Variants in GADL1 observed in about 807,000 individuals in gnomAD.
The protein encoded by GADL1 is GAD like acidic amino acid decarboxylase 1.
GADL1 carries 71 observed loss-of-function variants against 69.5 expected under a neutral mutation model. The observed-to-expected ratio is 1.02, with a 90% CI of 0.84 to 1.25. The LOEUF is 1.25. Among genes scored for constraint, GADL1 ranks in the 50% most tolerant of loss-of-function variants. The pLI, the probability that GADL1 is intolerant of heterozygous loss-of-function variation, is 0.00. For synonymous variants in GADL1, 254 were observed against 214.4 expected (o/e 1.18, Z -1.62); for missense variants, 737 against 631.8 (o/e 1.17, Z -1.79).
intron 12 of GADL1, 33 bp downstream of exon 12, chr3:30,800,854 AAG>A (rs10553550): frequency 0.05 from 57,422 of 1,140,052 alleles, 147 homozygotes; most frequent in East Asian, 0.089. Flanking sequence ...CACACACAGA[AAG>A]AGAGAGAGAG....
chr3:30,754,985 G>GC (rs1695934053), intron 14 of GADL1, among the ~76,000 whole-genome samples: 1 of 152,076 alleles, frequency 6.6e-6, no homozygotes, highest in Non-Finnish European at 1.5e-5. Flanking sequence ...AAACGGGGGA[G>GC]CACTTTAGCA....
At chr3:30,810,757 G>T (rs748953750) in intron 11 of GADL1, among the ~76,000 whole-genome samples, 14 of 151,902 alleles carry the variant, frequency 9.2e-5, no homozygotes, top group African/African-American at 3.1e-4. Context: ...CTTTCTTCTC[G>T]CTTGTCATCC....
chr3:30,837,246 C>A (rs1196054076), intron 9 of GADL1, among the ~76,000 whole-genome samples: 1 of 151,990 alleles, frequency 6.6e-6, no homozygotes, highest in Non-Finnish European at 1.5e-5. Flanking sequence ...TTAATATTTT[C>A]TTTAATAAAG....
chr3:30,755,016 A>G (rs1158620036), intron 14 of GADL1, among the ~76,000 whole-genome samples: 2 of 152,198 alleles, frequency 1.3e-5, no homozygotes, highest in Non-Finnish European at 1.5e-5. Flanking sequence ...CTCTGAAAAG[A>G]TTTCTGGTTG....
intron 14 of GADL1, among the ~76,000 whole-genome samples, chr3:30,757,274 T>C (rs1038024203): frequency 1.3e-5 from 2 of 152,130 alleles, no homozygotes; most frequent in Non-Finnish European, 2.9e-5. Context: ...CTTTTAAATA[T>C]AGCCTCTGAA....
intron 14 of GADL1, among the ~76,000 whole-genome samples, chr3:30,765,755 G>A (rs1559492962): frequency 6.6e-6 from 1 of 152,152 alleles, no homozygotes; most frequent in Non-Finnish European, 1.5e-5. Context: ...GTGACACATT[G>A]TCCCCACCTT....
At chr3:30,796,314 T>C (rs1281427195) in intron 12 of GADL1, among the ~76,000 whole-genome samples, 1 of 152,176 alleles carries the variant, frequency 6.6e-6, no homozygotes. Context: ...TAGACTGTCT[T>C]GTTTTTTCAC....
intron 1 of GADL1, among the ~76,000 whole-genome samples, chr3:30,883,840 G>A (rs1698673071): frequency 6.6e-6 from 1 of 151,860 alleles, no homozygotes; most frequent in Non-Finnish European, 1.5e-5. Context: ...AGTTTTTAGT[G>A]TATAAGTCTT....
rs2125527258 is a variant in GADL1 at position 30,841,342 on chromosome 3, T to C, written c.787-2229A>G. On this transcript the variant is annotated intron_variant, in intron 8 of 14. Coordinates refer to ENST00000282538, the MANE Select transcript of GADL1 (RefSeq NM_207359.3). Reference sequence around the variant, plus strand: ...TTTTACTTTTCAAAAACTTACTTTTTTGAGTTCTCAACTTTAGTATTATGT... The same window carrying C: ...TTTTACTTTTCAAAAACTTACTTTTCTGAGTTCTCAACTTTAGTATTATGT... Among the ~76,000 whole-genome samples the C allele has an allele frequency of 3.3e-5, 5 of 152,328 alleles. No homozygotes were observed. The South Asian group carries it at 1.0e-3, about 32-fold the overall frequency.
intron 14 of GADL1, among the ~76,000 whole-genome samples, chr3:30,755,908 G>C (rs1232056175): frequency 6.6e-6 from 1 of 151,942 alleles, no homozygotes; most frequent in African/African-American, 2.4e-5. Flanking sequence ...TGGTTCCTCT[G>C]TGTGAGCCAC....
chr3:30,756,289 CATAAG>C lies in GADL1; in HGVS notation c.1392+21885_1392+21889del, dbSNP rs1298393614. Among the ~76,000 whole-genome samples, 5 of 151,998 alleles carry C rather than the reference CATAAG, an allele frequency of 3.3e-5. No homozygotes were observed. The East Asian group carries it at 9.6e-4, about 29-fold the overall frequency. ...CTGATCTGGCCTCAGTTTCCTCCTA[CATAAG>C]ATGAGAATAAGAAGGAAATTGACTA... On this transcript the variant is annotated intron_variant, in intron 14 of 14. Coordinates refer to ENST00000282538, the MANE Select transcript of GADL1 (RefSeq NM_207359.3).
chr3:30,745,313 CGG>C (rs1168730827), intron 14 of GADL1, among the ~76,000 whole-genome samples: 1 of 152,044 alleles, frequency 6.6e-6, no homozygotes, highest in Non-Finnish European at 1.5e-5. Flanking sequence ...TTCAAACTTA[CGG>C]TAATGAAGAA....
chr3:30,780,122 C>T (rs1696626842), intron 13 of GADL1, among the ~76,000 whole-genome samples: 1 of 152,120 alleles, frequency 6.6e-6, no homozygotes, highest in Non-Finnish European at 1.5e-5. Context: ...GGCATACTCC[C>T]CTCAGGTGGT....
chr3:30,846,422 A>G (rs1346186653), intron 6 of GADL1, among the ~76,000 whole-genome samples: 1 of 152,130 alleles, frequency 6.6e-6, no homozygotes, highest in Non-Finnish European at 1.5e-5. Flanking sequence ...GGCTCCCACA[A>G]GGATTTTTTT....
In GADL1 at chr3:30,733,586, C is replaced by CTCCTTCCTTCCTTCCTTCCT. The variant is rs60344210; in HGVS notation, c.1393-5191_1393-5172dup. Among the ~76,000 whole-genome samples, 200 of 133,582 alleles carry CTCCTTCCTTCCTTCCTTCCT rather than the reference C, an allele frequency of 1.5e-3. 1 individual carries two copies. The highest frequency in any genetic ancestry group is 3.6e-3 in the Middle Eastern group (1 of 274). 87.6% of individuals were successfully genotyped at this position (133,582 alleles called of 152,430 possible). A position where few individuals can be genotyped will look rare whatever the true frequency, so the allele number is the denominator to read the frequency against. On this transcript the variant is annotated intron_variant, in intron 14 of 14. Coordinates refer to ENST00000282538, the MANE Select transcript of GADL1 (RefSeq NM_207359.3). ...ATCTCTTTTCTTTTCTTTTCCTTTTCTCCTTCCTTCCTTCCTTCCTTCCTT... is the reference window on the plus strand; with the variant it reads ...ATCTCTTTTCTTTTCTTTTCCTTTTCTCCTTCCTTCCTTCCTTCCTTCCTTCCTTCCTTCCTTCCTTCCTT...
At chr3:30,775,277 ATG>A (rs1384562123) in intron 14 of GADL1, among the ~76,000 whole-genome samples, 4 of 152,224 alleles carry the variant, frequency 2.6e-5, no homozygotes, top group African/African-American at 9.6e-5. Flanking sequence ...CGATTCTGAA[ATG>A]TGACAGCTCA....
At chr3:30,745,351 A>G (rs1316664535) in intron 14 of GADL1, among the ~76,000 whole-genome samples, 1 of 152,248 alleles carries the variant, frequency 6.6e-6, no homozygotes, top group African/African-American at 2.4e-5. Context: ...GTCATGATTT[A>G]CATGTCTATC....
chr3:30,774,547 TAC>T lies in GADL1; in HGVS notation c.1392+3630_1392+3631del, dbSNP rs572068152. Among the ~76,000 whole-genome samples, 6 of 152,222 alleles carry T rather than the reference TAC, an allele frequency of 3.9e-5. No individual in the cohort carries two copies. In the South Asian group the frequency reaches 1.2e-3, roughly 32 times the overall value. On this transcript the variant is annotated intron_variant, in intron 14 of 14. Coordinates refer to ENST00000282538, the MANE Select transcript of GADL1 (RefSeq NM_207359.3). The stretch of plus-strand genomic sequence containing the variant: ...CTTATAATAGTCTGCATTCATAGAC[TAC>T]ATTCACTGTGTTTCTAAGAGTATAT...
At chr3:30,814,741 TA>T (rs953871937) in intron 11 of GADL1, among the ~76,000 whole-genome samples, 1 of 151,720 alleles carries the variant, frequency 6.6e-6, no homozygotes, top group Non-Finnish European at 1.5e-5. Flanking sequence ...TATTCTTGAT[TA>T]AAAAAAAGAA....
Sources: gnomAD v4.1 joint callset for allele counts (sites outside exome capture counted in the v4.1 genomes callset) on GRCh38, gnomAD v4.1.1 for gene constraint, MANE v1.5 for transcripts, NCBI Gene and HGNC (gene_info 2026-07-23, HGNC 2026-07-21) for gene names.